The following KCNJ5 variants were observed in gnomAD, a reference collection of about 807,000 sequenced individuals.
The protein encoded by KCNJ5 is potassium inwardly rectifying channel subfamily J member 5.
A neutral mutation model predicts 20.2 loss-of-function variants in KCNJ5; 12 were observed. The observed-to-expected ratio is 0.59, with a 90% CI of 0.38 to 0.96. The LOEUF (loss-of-function observed/expected upper bound fraction) is 0.96. Among genes scored for constraint, KCNJ5 ranks in the 40% least tolerant of loss-of-function variants. The probability of loss-of-function intolerance (pLI) is 0.00; values close to 1 mark genes in which losing one functional copy is unlikely to be tolerated. For missense variants in KCNJ5, 449 were observed against 557.6 expected (o/e 0.81, Z 1.96); for synonymous variants, 210 against 213.9 (o/e 0.98, Z 0.16).
At chr11:128,895,506 G>T (rs527533119) in intron 1 of KCNJ5, among the ~76,000 whole-genome samples, 2 of 152,260 alleles carry the variant, frequency 1.3e-5, no homozygotes, top group African/African-American at 2.4e-5. Context: ...AGAAGCCATG[G>T]GTGTCAGGCC....
intron 1 of KCNJ5, among the ~76,000 whole-genome samples, chr11:128,910,146 A>G (rs1221660179): frequency 6.6e-6 from 1 of 152,198 alleles, no homozygotes; most frequent in African/African-American, 2.4e-5. Flanking sequence ...GTGCTCAGAA[A>G]TGTTGTCTGT....
At chr11:128,908,018 C>A (rs1025891663) in intron 1 of KCNJ5, among the ~76,000 whole-genome samples, 3 of 152,218 alleles carry the variant, frequency 2.0e-5, no homozygotes, top group African/African-American at 7.2e-5. Flanking sequence ...GCACACAACA[C>A]TGGAAGCCAG....
At chr11:128,916,223 T>G (rs1944578804) in intron 2 of KCNJ5, among the ~76,000 whole-genome samples, 186 bp from the exon 3 acceptor site, 1 of 148,812 alleles carries the variant, frequency 6.7e-6, no homozygotes, top group South Asian at 2.3e-4. Context: ...GATGGATGGA[T>G]GGTTGGATGG....
At chr11:128,893,207 A>G (rs536380542) in intron 1 of KCNJ5, among the ~76,000 whole-genome samples, 15 of 152,200 alleles carry the variant, frequency 9.9e-5, no homozygotes, top group African/African-American at 1.4e-4. Context: ...TAAACTATCT[A>G]TGGACCCCAC....
chr11:128,895,878 G>C (rs1026616527), intron 1 of KCNJ5, among the ~76,000 whole-genome samples: 1 of 152,214 alleles, frequency 6.6e-6, no homozygotes, highest in East Asian at 1.9e-4. Context: ...TGAAGGGGTA[G>C]AAGGAGCCCA....
chr11:128,902,441 G>T, intron 1 of KCNJ5: 1 of 1,379,322 alleles, frequency 7.2e-7, no homozygotes, highest in Non-Finnish European at 1.0e-6. Context: ...CAGGGTGCCA[G>T]TTAGGGAGGA....
At chr11:128,914,947 A>C (rs1166916505) in intron 2 of KCNJ5, among the ~76,000 whole-genome samples, 2 of 152,218 alleles carry the variant, frequency 1.3e-5, no homozygotes, top group Admixed American at 6.5e-5. Context: ...GGGGACAACA[A>C]GGGTAACGAC....
intron 1 of KCNJ5, chr11:128,902,485 A>G (rs1404390491): frequency 2.6e-6 from 4 of 1,542,172 alleles, no homozygotes; most frequent in Admixed American, 2.0e-5. Flanking sequence ...TTTAAGGAAC[A>G]GGGATGTCAT....
Position 128,891,427 on chromosome 11 carries a change from C to CAGAGAGAGAG in KCNJ5, c.-304_-303insGAGAGAGAGA, listed in dbSNP as rs1335944825. 186 of 106,690 alleles carry CAGAGAGAGAG rather than the reference C, an allele frequency of 1.7e-3. 1 individual carries two copies. Among genetic ancestry groups the CAGAGAGAGAG allele is most frequent in the Middle Eastern group, 5.1e-3 (1 of 198 alleles). 6.6% of individuals were successfully genotyped at this position (106,690 alleles called of 1,614,324 possible). A position where few individuals can be genotyped will look rare whatever the true frequency, so the allele number is the denominator to read the frequency against. ...ACACACACACACACACACACACACA[C>CAGAGAGAGAG]ACACACACACACACAGAGAGAGAGA... On this transcript the variant is annotated 5_prime_UTR_variant, in exon 1 of 3. Coordinates refer to ENST00000529694, the MANE Select transcript of KCNJ5 (RefSeq NM_000890.5).
chr11:128,911,483 C>T lies in KCNJ5; in HGVS notation c.210C>T (p.Thr70=), dbSNP rs750892190. The T allele has an allele frequency of 3.1e-6, 5 of 1,614,248 alleles. No homozygotes were observed. Among genetic ancestry groups the T allele is most frequent in the Non-Finnish European group, 4.2e-6 (5 of 1,180,034 alleles). Residue 70 remains threonine (T), a synonymous_variant, in exon 2 of 3, where the codon ACC becomes ACT. Coordinates refer to ENST00000529694, the MANE Select transcript of KCNJ5 (RefSeq NM_000890.5). The surrounding 1 kb of genome is among the most constrained non-coding windows in gnomAD (Gnocchi z 6.3). ...CNVHHGNVQE[T]YRYLSDLFTT... ...TGCACCACGGCAACGTCCAGGAGAC[C>T]TACCGGTACCTGAGTGACCTCTTCA...
rs555272726 is a variant in KCNJ5, at chr11:128,906,376, C to T, written c.-10-4888C>T. Among the ~76,000 whole-genome samples the T allele has an allele frequency of 2.8e-3, 431 of 152,322 alleles. 1 individual carries two copies. Among genetic ancestry groups the T allele is most frequent in the African/African-American group, 9.9e-3 (410 of 41,562 alleles). On this transcript the variant is annotated intron_variant, in intron 1 of 2. Transcript: ENST00000529694. ...TTCTGCCATAACAGATGACCACAGA[C>T]ATAGTGGCTGGAAACAGCACCCACT...
intron 1 of KCNJ5, among the ~76,000 whole-genome samples, chr11:128,897,928 T>C (rs1245304848): frequency 1.3e-5 from 2 of 152,230 alleles, no homozygotes; most frequent in Admixed American, 1.3e-4. Context: ...GAATTCCTTT[T>C]GCACTTTTGT....
At chr11:128,899,719 A>C (rs751729164) in intron 1 of KCNJ5, 15 of 152,252 alleles carry the variant, frequency 9.9e-5, no homozygotes, top group Non-Finnish European at 1.3e-4. Flanking sequence ...GACAGACAGA[A>C]ACAAACGTGG....
chr11:128,916,244 A>AGATGGATGGATGGATG lies in KCNJ5; in HGVS notation c.938-144_938-129dup, dbSNP rs61176061. On this transcript the variant is annotated intron_variant, in intron 2 of 2. Transcript: ENST00000529694. ...TGGATGGTTGGATGGATAGATGATT[A>AGATGGATGGATGGATG]GATGGATGGATGGATGGATGGATGG... Among the ~76,000 whole-genome samples the AGATGGATGGATGGATG allele has an allele frequency of 0.078, 10,053 of 129,090 alleles. 769 individuals carry two copies. Among genetic ancestry groups the AGATGGATGGATGGATG allele is most frequent in the African/African-American group, 0.17 (5,457 of 33,010 alleles). 84.7% of individuals were successfully genotyped at this position (129,090 alleles called of 152,430 possible).
chr11:128,892,116 G>GC (rs1346832717), intron 1 of KCNJ5, among the ~76,000 whole-genome samples: 1 of 152,194 alleles, frequency 6.6e-6, no homozygotes, highest in Admixed American at 6.5e-5. Context: ...GGGGGGCGGT[G>GC]CCCCCCTCAG....
chr11:128,902,217 G>A (rs779736485), intron 1 of KCNJ5: 5 of 357,600 alleles, frequency 1.4e-5, no homozygotes, highest in East Asian at 6.7e-5. Context: ...TCCCTTCCAC[G>A]ATGCCCTCAC....
intron 1 of KCNJ5, among the ~76,000 whole-genome samples, chr11:128,895,197 C>T (rs575121150): frequency 6.6e-6 from 1 of 152,250 alleles, no homozygotes; most frequent in African/African-American, 2.4e-5. Flanking sequence ...GTGTACTGCT[C>T]ACCCTACACC....
intron 2 of KCNJ5, among the ~76,000 whole-genome samples, chr11:128,913,811 C>G (rs962752208): frequency 6.6e-6 from 1 of 152,350 alleles, no homozygotes; most frequent in East Asian, 1.9e-4. Flanking sequence ...TGGAGCTTCT[C>G]TCACCACTCT....
chr11:128,911,292 A>G lies in KCNJ5; in HGVS notation c.19A>G (p.Asn7Asp). The G allele has an allele frequency of 6.2e-7, 1 of 1,614,120 alleles. No individual in the cohort carries two copies. Among genetic ancestry groups the G allele is most frequent in the African/African-American group, 1.3e-5 (1 of 75,038 alleles). The change falls in exon 2 of 3, where the codon AAT becomes GAT. Residue 7 changes from asparagine (N) to aspartate (D), a missense_variant. By Grantham distance (23) the Asn-to-Asp change is conservative. This residue lies in a region of KCNJ5 where 203 missense variants were observed against 258.0 expected (regional missense o/e 0.79). Transcript: ENST00000529694. This position sits in a 1 kb window ranked among gnomAD's most constrained non-coding sequence, Gnocchi z 6.3. ...CCCAGCTATGGCTGGCGATTCTAGG[A>G]ATGCCATGAACCAGGACATGGAGAT... Reference protein sequence around the residue: MAGDSRNAMNQDMEIGV... With the variant: MAGDSRDAMNQDMEIGV...
Sources: gnomAD v4.1 joint callset for allele counts (sites outside exome capture counted in the v4.1 genomes callset) on GRCh38, gnomAD v4.1.1 for gene constraint, gnomAD v4.1.1 regional missense constraint, Gnocchi (gnomAD v3.1) non-coding constraint, MANE v1.5 for transcripts, NCBI Gene and HGNC (gene_info 2026-07-23, HGNC 2026-07-21) for gene names.